Variants in SRFBP1 observed in about 807,000 individuals in gnomAD.
The protein encoded by SRFBP1 is serum response factor-binding protein 1.
Under a neutral mutation model 45.5 loss-of-function variants are expected in SRFBP1, and 47 were observed. The observed-to-expected ratio is 1.03, with a 90% CI of 0.82 to 1.32. The LOEUF (loss-of-function observed/expected upper bound fraction) is 1.32, where lower values mean the gene tolerates loss of function less well. Ranked by LOEUF, SRFBP1 falls within the 40% of genes most tolerant of loss-of-function variation. The pLI is 0.00. For missense variants in SRFBP1, 621 were observed against 484.6 expected (o/e 1.28, Z -2.64); for synonymous variants, 203 against 166.3 (o/e 1.22, Z -1.70).
chr5:121,962,018 A>T lies in SRFBP1; in HGVS notation c.-15A>T. 6.2e-7 allele frequency: 1 copy of T among 1,601,426 alleles called. No homozygotes were observed. Among genetic ancestry groups the T allele is most frequent in the East Asian group, 2.2e-5 (1 of 44,840 alleles). ...TCACGTGCAGGCAGCGGCGGATCAT[A>T]TTCCTTCATCTACCATGGCTCAGCC... On this transcript the variant is annotated 5_prime_UTR_variant, in exon 1 of 8. Coordinates refer to ENST00000339397, the MANE Select transcript of SRFBP1 (RefSeq NM_152546.3).
Position 121,994,661 on chromosome 5 carries a change from C to T in SRFBP1, c.261C>T (p.Ile87=). ...GTGATGATATCAACTTTGAAAAAAT[C>T]TTCAAAAAGGTATATCTGCAATAGA... ...ALGDDINFEK[I]FKKPDSTATE... The change falls in exon 4 of 8, where the codon ATC becomes ATT. Residue 87 remains isoleucine (I), a synonymous_variant. Transcript: ENST00000339397. The T allele has an allele frequency of 6.3e-7, 1 of 1,588,430 alleles. No homozygotes were observed. The highest frequency in any genetic ancestry group is 1.7e-4 in the Middle Eastern group (1 of 5,998).
At chr5:122,026,867 G>T in intron 7 of SRFBP1, 75 bp from the exon 8 acceptor site, 1 of 1,035,474 alleles carries the variant, frequency 9.7e-7, no homozygotes, top group Non-Finnish European at 1.3e-6. Context: ...ACATTGGTTT[G>T]AAAAAGATGA....
intron 3 of SRFBP1, among the ~76,000 whole-genome samples, chr5:121,983,334 A>T (rs1301464527): frequency 1.3e-5 from 2 of 151,776 alleles, no homozygotes; most frequent in African/African-American, 2.4e-5. Flanking sequence ...CTTCAGACTA[A>T]TGTAATTGCT....
intron 2 of SRFBP1, among the ~76,000 whole-genome samples, chr5:122,052,242 A>G (rs79271463): frequency 0.083 from 12,647 of 152,062 alleles, 850 homozygotes; most frequent in African/African-American, 0.18. Context: ...ATGGTCTTGT[A>G]TAATCTCTCA....
intron 4 of SRFBP1, among the ~76,000 whole-genome samples, chr5:122,000,375 A>T (rs1752837516): frequency 6.6e-6 from 1 of 151,998 alleles, no homozygotes; most frequent in South Asian, 2.1e-4. Context: ...ACTTTCACTT[A>T]TTCAGTTTTG....
At chr5:122,026,656 CCTTT>C (rs574053216) in intron 7 of SRFBP1, among the ~76,000 whole-genome samples, 1 of 152,032 alleles carries the variant, frequency 6.6e-6, no homozygotes, top group African/African-American at 2.4e-5. Context: ...CAGAGTGATT[CCTTT>C]CTTTATGTTG....
At chr5:122,056,360 T>A (rs1381390414) in intron 2 of SRFBP1, among the ~76,000 whole-genome samples, 1 of 152,152 alleles carries the variant, frequency 6.6e-6, no homozygotes, top group Non-Finnish European at 1.5e-5. Context: ...AACAATCAAA[T>A]AAATACTAAA....
Position 121,975,323 on chromosome 5 carries a change from A to G in SRFBP1, c.134A>G (p.Glu45Gly). 6.2e-7 allele frequency: 1 copy of G among 1,613,208 alleles called. No homozygotes were observed. Reference protein sequence around the residue: ...VGRLKSKKGTEDALLKNQRRA... With the variant: ...VGRLKSKKGTGDALLKNQRRA... Reference sequence around the variant, plus strand: ...TAATGTATTTTTTGCAGGGGTACTGAAGATGCACTGTTAAAAAACCAAAGA... The same window carrying G: ...TAATGTATTTTTTGCAGGGGTACTGGAGATGCACTGTTAAAAAACCAAAGA... Residue 45 changes from glutamate (E) to glycine (G), a missense_variant, in exon 3 of 8, where the codon GAA (glutamate) becomes GGA (glycine). Coordinates refer to ENST00000339397, the MANE Select transcript of SRFBP1 (RefSeq NM_152546.3).
intron 6 of SRFBP1, among the ~76,000 whole-genome samples, chr5:122,021,385 C>G (rs1036858976): frequency 6.6e-6 from 1 of 152,082 alleles, no homozygotes; most frequent in Non-Finnish European, 1.5e-5. Context: ...TAAAGGGTAT[C>G]TTCACATTTT....
chr5:122,073,410 C>T (rs1247689728), intron 2 of SRFBP1, among the ~76,000 whole-genome samples: 1 of 152,132 alleles, frequency 6.6e-6, no homozygotes, highest in Non-Finnish European at 1.5e-5. Context: ...TCCTTCTGCT[C>T]TTATTTGCAT....
intron 3 of SRFBP1, among the ~76,000 whole-genome samples, chr5:121,982,302 A>T (rs1752426195): frequency 1.3e-5 from 2 of 151,930 alleles, no homozygotes; most frequent in African/African-American, 4.8e-5. Context: ...ATTTTAAAAG[A>T]TCAGTATATA....
rs1200188037 is a variant in SRFBP1, at chr5:122,020,464, C to T, written c.729C>T (p.Leu243=). ...AAAACAAAGGATCTGATAGCTCACT[C>T]TCTGGTAACAGTGATGGCGGAGAAG... ...TKKNKGSDSS[L]SGNSDGGEEF... is the part of the protein sequence containing the mutation. The change falls in exon 6 of 8, where the codon CTC becomes CTT. Residue 243 remains leucine (L), a synonymous_variant. Coordinates refer to ENST00000339397, the MANE Select transcript of SRFBP1 (RefSeq NM_152546.3). The T allele has an allele frequency of 3.7e-6, 6 of 1,613,952 alleles. No homozygotes were observed. In the Admixed American group the frequency reaches 8.3e-5, roughly 22 times the overall value.
At chr5:122,071,720 C>T (rs1473248091) in intron 2 of SRFBP1, among the ~76,000 whole-genome samples, 3 of 152,236 alleles carry the variant, frequency 2.0e-5, no homozygotes, top group Middle Eastern at 6.8e-3. Flanking sequence ...TTCATTTTAA[C>T]TCAATACTGC....
At chr5:121,987,384 T>G (rs1752539935) in intron 3 of SRFBP1, among the ~76,000 whole-genome samples, 1 of 152,164 alleles carries the variant, frequency 6.6e-6, no homozygotes, top group Non-Finnish European at 1.5e-5. Flanking sequence ...AAAAATCTAT[T>G]GGCAATATGA....
At chr5:122,037,935 G>C (rs1430115910) in intron 2 of SRFBP1, among the ~76,000 whole-genome samples, 1 of 152,182 alleles carries the variant, frequency 6.6e-6, no homozygotes, top group East Asian at 1.9e-4. Context: ...CCCTCTTGAA[G>C]TTAGGTTTGG....
chr5:121,971,532 A>G lies in SRFBP1; in HGVS notation c.37-2664A>G, dbSNP rs188189143. On this transcript the variant is annotated intron_variant, in intron 1 of 7. Coordinates refer to ENST00000339397, the MANE Select transcript of SRFBP1 (RefSeq NM_152546.3). The stretch of plus-strand genomic sequence containing the variant: ...GAGGTGATTTTGAGCGCACTCAGAA[A>G]GAAATGTCAAGCAGGAAGTTGCACA... Among the ~76,000 whole-genome samples, 12 of 152,132 alleles carry G rather than the reference A, an allele frequency of 7.9e-5. No homozygotes were observed. In the East Asian group the frequency reaches 2.3e-3, roughly 29 times the overall value.
intron 4 of SRFBP1, among the ~76,000 whole-genome samples, chr5:122,007,737 A>T (rs1017188843): frequency 6.7e-6 from 1 of 150,370 alleles, no homozygotes; most frequent in Non-Finnish European, 1.5e-5. Context: ...TCAGAGGCCA[A>T]CCTGGAGCGT....
Position 121,981,988 on chromosome 5 carries a change from A to G in SRFBP1, c.198+6601A>G, listed in dbSNP as rs565963254. Reference sequence around the variant, plus strand: ...CAATTTTTTTTTTTTACATGTTGGCACGTTTACAGTGTTGAGGTTGTTCTG... The same window carrying G: ...CAATTTTTTTTTTTTACATGTTGGCGCGTTTACAGTGTTGAGGTTGTTCTG... On this transcript the variant is annotated intron_variant, in intron 3 of 7. Coordinates refer to ENST00000339397, the MANE Select transcript of SRFBP1 (RefSeq NM_152546.3). 8.6e-5 allele frequency among the ~76,000 whole-genome samples: 13 copies of G among 151,706 alleles called. No homozygotes were observed. The East Asian group carries it at 2.3e-3, about 27-fold the overall frequency.
intron 2 of SRFBP1, among the ~76,000 whole-genome samples, chr5:122,062,725 C>T (rs948662274): frequency 6.6e-6 from 1 of 151,852 alleles, no homozygotes; most frequent in African/African-American, 2.4e-5. Flanking sequence ...GAGTTGTTCC[C>T]CCAAAACACT....
Sources: gnomAD v4.1 joint callset for allele counts (sites outside exome capture counted in the v4.1 genomes callset) on GRCh38, gnomAD v4.1.1 for gene constraint, MANE v1.5 for transcripts, NCBI Gene and HGNC (gene_info 2026-07-23, HGNC 2026-07-21) for gene names.